The following FBXO28 variants were observed in gnomAD, a reference collection of about 807,000 sequenced individuals.
The protein encoded by FBXO28 is F-box only protein 28.
A neutral mutation model predicts 38.1 loss-of-function variants in FBXO28; 8 were observed. The observed-to-expected ratio is 0.21, with a 90% CI of 0.12 to 0.38. FBXO28 has a LOEUF of 0.38. FBXO28 is among the 10% of genes least tolerant of loss of function. The pLI, the probability that FBXO28 is intolerant of heterozygous loss-of-function variation, is 1.00. For synonymous variants in FBXO28, 168 were observed against 173.8 expected, an observed-to-expected ratio of 0.97 and a Z score of 0.26; for missense variants, 345 against 460.6, an observed-to-expected ratio of 0.75 and a Z score of 2.30.
intron 3 of FBXO28, among the ~76,000 whole-genome samples, chr1:224,152,781 T>A (rs1171252319): frequency 6.6e-6 from 1 of 151,802 alleles, no homozygotes; most frequent in East Asian, 1.9e-4. Flanking sequence ...TACAAAAAAT[T>A]AGCCACGCGT....
Position 224,161,006 on chromosome 1 carries a change from T to G in FBXO28, c.*3260T>G, listed in dbSNP as rs1657894497. The stretch of plus-strand genomic sequence containing the variant: ...AAGATTGCACTATTTTATGCATTAT[T>G]TTATATGCCATTTCATAGCCTGCAC... On this transcript the variant is annotated 3_prime_UTR_variant, in exon 5 of 5. Coordinates refer to ENST00000366862, the MANE Select transcript of FBXO28 (RefSeq NM_015176.4). The G allele has an allele frequency of 2.0e-5, 3 of 152,180 alleles. No homozygotes were observed. Among genetic ancestry groups the G allele is most frequent in the Admixed American group, 1.3e-4 (2 of 15,268 alleles). 9.4% of individuals were successfully genotyped at this position (152,180 alleles called of 1,614,324 possible). A position where few individuals can be genotyped will look rare whatever the true frequency, so the allele number is the denominator to read the frequency against.
Position 224,153,329 on chromosome 1 carries a change from C to G in FBXO28, c.704C>G (p.Ser235Cys), listed in dbSNP as rs1471911274. ...GSDVSGRLMG[S>C]PPVPGPSAAL... ...GATGTTTCTGGAAGACTCATGGGCT[C>G]TCCTCCAGGTATCTCTACTTTATAA... Residue 235 changes from serine (S) to cysteine (C), a missense_variant, in exon 4 of 5, where the codon TCT (serine) becomes TGT (cysteine). By Grantham distance (112) the Ser-to-Cys change is moderately radical. This residue lies in a region of FBXO28 where 151 missense variants were observed against 188.3 expected (regional missense o/e 0.80). Transcript: ENST00000366862. The G allele has an allele frequency of 2.5e-6, 4 of 1,581,606 alleles. No individual in the cohort carries two copies. Among genetic ancestry groups the G allele is most frequent in the African/African-American group, 2.7e-5 (2 of 73,382 alleles).
chr1:224,139,831 G>A lies in FBXO28; in HGVS notation c.516+5619G>A, dbSNP rs1393017793. ...TGGCCAGGCGTGGTGGCTCATGCCT[G>A]TAATCCTAATACTTTGGGAGGCTGA... On this transcript the variant is annotated intron_variant, in intron 3 of 4. Transcript: ENST00000366862. 2.0e-5 allele frequency among the ~76,000 whole-genome samples: 3 copies of A among 151,352 alleles called. No individual in the cohort carries two copies. In the East Asian group the frequency reaches 5.8e-4, roughly 29 times the overall value.
chr1:224,119,139 T>TTC (rs1553287744), intron 1 of FBXO28, among the ~76,000 whole-genome samples: 6 of 138,392 alleles, frequency 4.3e-5, no homozygotes, highest in East Asian at 4.1e-4. Flanking sequence ...TTTTTTCTTT[T>TTC]TTTTTTTTTT....
At chr1:224,150,204 A>T (rs1657609073) in intron 3 of FBXO28, among the ~76,000 whole-genome samples, 3 of 152,264 alleles carry the variant, frequency 2.0e-5, no homozygotes, top group South Asian at 4.1e-4. Flanking sequence ...GGTGCCTGTA[A>T]TCCCAGCTAC....
chr1:224,116,833 C>T (rs1656654297), intron 1 of FBXO28, among the ~76,000 whole-genome samples: 1 of 152,186 alleles, frequency 6.6e-6, no homozygotes, highest in South Asian at 2.1e-4. Flanking sequence ...TTTGCTTCCT[C>T]TTACCATGAA....
At chr1:224,145,293 CAAAAAAAA>C (rs3035404) in intron 3 of FBXO28, among the ~76,000 whole-genome samples, 2 of 73,566 alleles carry the variant, frequency 2.7e-5, no homozygotes, top group Non-Finnish European at 4.8e-5. Context: ...GACTACATCT[CAAAAAAAA>C]AAAAAAAAAA....
intron 1 of FBXO28, among the ~76,000 whole-genome samples, chr1:224,119,417 A>G (rs1021385536): frequency 4.0e-5 from 6 of 151,876 alleles, no homozygotes; most frequent in Admixed American, 2.6e-4. Context: ...GATTACAGGC[A>G]TGAGCCACCG....
intron 1 of FBXO28, among the ~76,000 whole-genome samples, chr1:224,117,348 A>G (rs2102606909): frequency 6.6e-6 from 1 of 151,976 alleles, no homozygotes; most frequent in East Asian, 2.0e-4. Flanking sequence ...TTCGTATTTT[A>G]GTAGAGACGG....
At chr1:224,127,655 C>G (rs1019662403) in intron 1 of FBXO28, among the ~76,000 whole-genome samples, 1 of 152,044 alleles carries the variant, frequency 6.6e-6, no homozygotes, top group Non-Finnish European at 1.5e-5. Flanking sequence ...ACCTGTAATC[C>G]CTGCACTTTG....
At chr1:224,133,123 A>G (rs1162155233) in intron 2 of FBXO28, among the ~76,000 whole-genome samples, 1 of 152,236 alleles carries the variant, frequency 6.6e-6, no homozygotes, top group Admixed American at 6.5e-5. Flanking sequence ...AGCCAGAAAC[A>G]TAAGGCTACT....
rs869944 is a variant in FBXO28, at chr1:224,134,010, T to C, written c.378-64T>C. 3,819 of 1,237,508 alleles carry C rather than the reference T, an allele frequency of 3.1e-3. 100 individuals carry two copies. The African/African-American group carries it at 0.052, about 17-fold the overall frequency. 76.7% of individuals were successfully genotyped at this position (1,237,508 alleles called of 1,614,324 possible). On this transcript the variant is annotated intron_variant, in intron 2 of 4. Coordinates refer to ENST00000366862, the MANE Select transcript of FBXO28 (RefSeq NM_015176.4). ...GTTTCATTAAGCCATCTTGATTGCT[T>C]AATATTTTAGTCCACAATACTGCTT...
At chr1:224,156,374 G>T (rs1657773529) in intron 4 of FBXO28, among the ~76,000 whole-genome samples, 1 of 152,152 alleles carries the variant, frequency 6.6e-6, no homozygotes, top group South Asian at 2.1e-4. Flanking sequence ...GGCTAAAGTT[G>T]AAGCCTTTGT....
chr1:224,119,328 G>A (rs1402254925), intron 1 of FBXO28, among the ~76,000 whole-genome samples: 4 of 150,572 alleles, frequency 2.7e-5, no homozygotes, highest in South Asian at 2.1e-4. Flanking sequence ...TAGTAGAGAC[G>A]GGGTTTCACC....
At chr1:224,136,805 C>A (rs1193189635) in intron 3 of FBXO28, among the ~76,000 whole-genome samples, 3 of 151,350 alleles carry the variant, frequency 2.0e-5, no homozygotes, top group Non-Finnish European at 4.4e-5. Context: ...AGGCTGGAGT[C>A]CATTGGTGCA....
In FBXO28 at chr1:224,157,952, A is replaced by G; in HGVS notation, c.*206A>G. On this transcript the variant is annotated 3_prime_UTR_variant, in exon 5 of 5. Transcript: ENST00000366862. ...ACAGAATCTTTTTACTTTGCAATAG[A>G]TTTGTACTAACCAGACCTGTTCTAT... 1 of 1,392,142 alleles carries G rather than the reference A, an allele frequency of 7.2e-7. No individual in the cohort carries two copies. Among genetic ancestry groups the G allele is most frequent in the Non-Finnish European group, 9.3e-7 (1 of 1,078,910 alleles). 86.2% of individuals were successfully genotyped at this position (1,392,142 alleles called of 1,614,324 possible). A position where few individuals can be genotyped will look rare whatever the true frequency, so the allele number is the denominator to read the frequency against.
chr1:224,118,134 G>A (rs1373107744), intron 1 of FBXO28, among the ~76,000 whole-genome samples: 1 of 151,912 alleles, frequency 6.6e-6, no homozygotes, highest in Non-Finnish European at 1.5e-5. Context: ...TTGTGGAGAT[G>A]TGATTTCTCC....
chr1:224,145,362 A>G (rs533952961), intron 3 of FBXO28, among the ~76,000 whole-genome samples: 2 of 151,550 alleles, frequency 1.3e-5, no homozygotes, highest in South Asian at 4.2e-4. Flanking sequence ...TTTCATGACC[A>G]GAACTATGCC....
In FBXO28 at chr1:224,123,442, CAAAAAAAAA is replaced by C. The variant is rs10647785; in HGVS notation, c.268-7014_268-7006del. ...TGGGCAACAGAGGGAGACCCTGTCT[CAAAAAAAAA>C]AAAAAAAAAAAAAAATTGGGTTCCA... On this transcript the variant is annotated intron_variant, in intron 1 of 4. Coordinates refer to ENST00000366862, the MANE Select transcript of FBXO28 (RefSeq NM_015176.4). Among the ~76,000 whole-genome samples the C allele has an allele frequency of 1.6e-4, 10 of 64,298 alleles. 1 individual carries two copies. In the South Asian group the frequency reaches 4.6e-3, roughly 29 times the overall value. The allele number at this position is 64,298 out of a possible 152,430, so 42.2% of individuals were successfully genotyped here.
Sources: allele counts gnomAD v4.1 joint callset (sites outside exome capture counted in the v4.1 genomes callset), GRCh38; gene constraint gnomAD v4.1.1; regional missense constraint gnomAD v4.1.1; transcripts MANE v1.5; gene names NCBI Gene and HGNC (gene_info 2026-07-23, HGNC 2026-07-21).